SHQ1: variants seen among roughly 807,000 people sequenced by gnomAD.
SHQ1 encodes the protein protein SHQ1 homolog.
In SHQ1, 49 loss-of-function variants were observed where a neutral mutation model predicts 53.8. That is an observed-to-expected ratio of 0.91 (90% CI 0.72 to 1.16). The LOEUF is 1.16. Among genes scored for constraint, SHQ1 ranks in the 50% most tolerant of loss-of-function variants. SHQ1 has a pLI of 0.00. For missense variants in SHQ1, 738 were observed against 683.1 expected (o/e 1.08, Z -0.90); for synonymous variants, 243 against 251.0 (o/e 0.97, Z 0.30).
Position 72,836,837 on chromosome 3 carries a change from CTATT to C in SHQ1, c.486+4204_486+4207del, listed in dbSNP as rs530383039. Among the ~76,000 whole-genome samples the C allele has an allele frequency of 2.4e-3, 368 of 152,248 alleles. 2 individuals carry two copies. Among genetic ancestry groups the C allele is most frequent in the Middle Eastern group, 0.01 (3 of 294 alleles). The stretch of plus-strand genomic sequence containing the variant: ...TTGCTATGGCCACTAGTTATTAGAG[CTATT>C]TAAAGATAGACATTGCCAAGAAAAG... On this transcript the variant is annotated intron_variant, in intron 4 of 10. Transcript: ENST00000325599.
At chr3:72,737,356 AGAG>A in the SHQ1 span, among the ~76,000 whole-genome samples, 1 of 152,094 alleles carries the variant, frequency 6.6e-6, no homozygotes, top group South Asian at 2.1e-4. Flanking sequence ...GGGGAGAAGG[AGAG>A]GAGAGGCAGG....
At chr3:72,753,702 A>G (rs1705437850) in intron 10 of SHQ1, 2 of 892,988 alleles carry the variant, frequency 2.2e-6, no homozygotes, top group South Asian at 5.2e-5. Context: ...GAGATCCACT[A>G]GAGTCAGTTA....
chr3:72,764,468 G>A (rs981263354), intron 10 of SHQ1, among the ~76,000 whole-genome samples: 4 of 152,186 alleles, frequency 2.6e-5, no homozygotes, highest in African/African-American at 9.7e-5. Context: ...TGTATTTTAT[G>A]CTTGCTTATA....
the SHQ1 span, among the ~76,000 whole-genome samples, chr3:72,730,484 T>C: frequency 6.6e-6 from 1 of 152,186 alleles, no homozygotes; most frequent in African/African-American, 2.4e-5. Context: ...TGATATATAA[T>C]GTGGGAGAGG....
intron 9 of SHQ1, among the ~76,000 whole-genome samples, chr3:72,804,723 G>T (rs548012087): frequency 1.5e-4 from 23 of 152,196 alleles, no homozygotes; most frequent in Non-Finnish European, 2.5e-4. Context: ...GGATATGGTG[G>T]CTCACACCTG....
the SHQ1 span, among the ~76,000 whole-genome samples, chr3:72,732,628 G>A: frequency 1.3e-5 from 2 of 151,460 alleles, no homozygotes; most frequent in Non-Finnish European, 2.9e-5. Context: ...TAGCATGTTT[G>A]CAAACATTAT....
intron 9 of SHQ1, among the ~76,000 whole-genome samples, chr3:72,808,964 C>G (rs750950665): frequency 2.0e-5 from 3 of 152,050 alleles, no homozygotes; most frequent in Non-Finnish European, 2.9e-5. Context: ...AAAAAATGTC[C>G]ATGGATAAAG....
intron 5 of SHQ1, among the ~76,000 whole-genome samples, chr3:72,827,718 G>GT (rs1470445495): frequency 7.9e-6 from 1 of 126,760 alleles, no homozygotes; most frequent in Non-Finnish European, 1.7e-5. Context: ...AGTTTTGTCT[G>GT]TTTTTTCATC....
rs1165532692 is a variant in SHQ1 at position 72,848,373 on chromosome 3, G to C, written c.-33C>G. 1 of 1,609,740 alleles carries C rather than the reference G, an allele frequency of 6.2e-7. No homozygotes were observed. Among genetic ancestry groups the C allele is most frequent in the Non-Finnish European group, 8.5e-7 (1 of 1,177,644 alleles). On this transcript the variant is annotated 5_prime_UTR_variant, in exon 1 of 11. Transcript: ENST00000325599. ...CCGGACGCAAGGGCCGGCGCCGCTCGCTCTCACTGCCGCCGCGTTCCCGCC... is the reference window on the plus strand; with the variant it reads ...CCGGACGCAAGGGCCGGCGCCGCTCCCTCTCACTGCCGCCGCGTTCCCGCC...
At chr3:72,783,311 T>G (rs1706127661) in intron 10 of SHQ1, among the ~76,000 whole-genome samples, 1 of 152,012 alleles carries the variant, frequency 6.6e-6, no homozygotes, top group African/African-American at 2.4e-5. Context: ...TCCTCCACCT[T>G]AAGAAAATTA....
At chr3:72,751,239 T>C (rs934422907) in intron 10 of SHQ1, among the ~76,000 whole-genome samples, 1 of 151,802 alleles carries the variant, frequency 6.6e-6, no homozygotes, top group African/African-American at 2.4e-5. Flanking sequence ...GGTGAAACCC[T>C]GTCTCTACTA....
chr3:72,842,223 A>T (rs1469081886), intron 3 of SHQ1, 57 bp downstream of exon 3: 7 of 1,582,466 alleles, frequency 4.4e-6, no homozygotes, highest in Non-Finnish European at 6.0e-6. Flanking sequence ...CTACAAATAC[A>T]CAGCATTCCA....
intron 4 of SHQ1, among the ~76,000 whole-genome samples, chr3:72,835,675 T>C (rs950643503): frequency 5.9e-5 from 9 of 152,166 alleles, no homozygotes; most frequent in Non-Finnish European, 1.0e-4. Context: ...ATCTTGTTCT[T>C]CAACCCCATG....
At chr3:72,790,478 C>T (rs1423528521) in intron 10 of SHQ1, among the ~76,000 whole-genome samples, 1 of 151,986 alleles carries the variant, frequency 6.6e-6, no homozygotes, top group African/African-American at 2.4e-5. Flanking sequence ...AAATACATGG[C>T]TCTTTTCAAA....
At chr3:72,846,298 CTT>C (rs745807243) in intron 1 of SHQ1, 16,238 of 1,370,532 alleles carry the variant, frequency 0.012, no homozygotes, top group South Asian at 0.015. Context: ...ACTGTATGTT[CTT>C]TTTTTTTTTT....
intron 4 of SHQ1, among the ~76,000 whole-genome samples, chr3:72,833,953 T>C (rs1441352004): frequency 2.0e-5 from 3 of 151,834 alleles, no homozygotes; most frequent in African/African-American, 7.3e-5. Flanking sequence ...ACTTAGAGAG[T>C]TGAGAAAGCA....
At chr3:72,760,217 A>G (rs1575676817) in intron 10 of SHQ1, among the ~76,000 whole-genome samples, 2 of 152,218 alleles carry the variant, frequency 1.3e-5, no homozygotes, top group South Asian at 2.1e-4. Flanking sequence ...TACAATATCA[A>G]TGATCAACAG....
rs909440411 is a variant in SHQ1 at position 72,753,438 on chromosome 3, C to G, written c.1182-2602G>C. 12 of 985,254 alleles carry G rather than the reference C, an allele frequency of 1.2e-5. No individual in the cohort carries two copies. In the African/African-American group the frequency reaches 2.1e-4, roughly 17 times the overall value. The allele number at this position is 985,254 out of a possible 1,614,324, so 61.0% of individuals were successfully genotyped here. ...CTGAAATGCTATTTCTCAAAGTACT[C>G]AGCACAATAATGAGATTGTGCAGGG... On this transcript the variant is annotated intron_variant, in intron 10 of 10. Transcript: ENST00000325599.
At position 72,837,929 on chromosome 3, in the gene SHQ1, C is replaced by G. The variant is rs74839198; in HGVS notation, c.486+3116G>C. 8.5e-3 allele frequency among the ~76,000 whole-genome samples: 1,291 copies of G among 151,476 alleles called. 29 individuals are homozygous for G. Among genetic ancestry groups the G allele is most frequent in the African/African-American group, 0.03 (1,234 of 40,924 alleles). On this transcript the variant is annotated intron_variant, in intron 4 of 10. Coordinates refer to ENST00000325599, the MANE Select transcript of SHQ1 (RefSeq NM_018130.3). ...TTAATATCTTCAAGAGGATACATTT[C>G]AATTTTTGGAATCTTGGGCTTACAC...
Sources: allele counts gnomAD v4.1 joint callset (sites outside exome capture counted in the v4.1 genomes callset), GRCh38; gene constraint gnomAD v4.1.1; transcripts MANE v1.5; gene names NCBI Gene and HGNC (gene_info 2026-07-23, HGNC 2026-07-21).